The following UTP20 variants were observed in gnomAD, a reference collection of about 807,000 sequenced individuals.
UTP20 encodes UTP20 small subunit processome component.
A neutral mutation model predicts 329.5 loss-of-function variants in UTP20; 164 were observed. That is an observed-to-expected ratio of 0.50 (90% CI 0.44 to 0.57). UTP20 has a LOEUF of 0.57. Ranked by LOEUF, UTP20 falls within the 20% of genes least tolerant of loss-of-function variation. UTP20 has a pLI of 0.00. For synonymous variants in UTP20, 1,151 were observed against 1,159.3 expected (o/e 0.99, Z 0.14); for missense variants, 3,055 against 3,284.2 (o/e 0.93, Z 1.71).
At chr12:101,347,017 A>C (rs1255477019) in intron 38 of UTP20, among the ~76,000 whole-genome samples, 2 of 152,164 alleles carry the variant, frequency 1.3e-5, no homozygotes, top group African/African-American at 2.4e-5. Context: ...TTCTCACAAC[A>C]ACTCAACTCT....
At chr12:101,286,535 T>G in intron 5 of UTP20, 26 bp downstream of exon 5, 1 of 1,493,718 alleles carries the variant, frequency 6.7e-7, no homozygotes, top group Non-Finnish European at 9.0e-7. Flanking sequence ...CTCTAGTATG[T>G]TTTTTAATTG....
intron 23 of UTP20, 23 bp downstream of exon 23, chr12:101,319,658 A>T: frequency 6.4e-7 from 1 of 1,556,184 alleles, no homozygotes; most frequent in South Asian, 1.2e-5. Flanking sequence ...AACTCTTGGC[A>T]TTATAATTCT....
rs575753366 is a variant in UTP20, at chr12:101,297,693, C to T, written c.1431-1989C>T. Among the ~76,000 whole-genome samples, 6 of 152,220 alleles carry T rather than the reference C, an allele frequency of 3.9e-5. No individual in the cohort carries two copies. In the South Asian group the frequency reaches 6.2e-4, roughly 16 times the overall value. On this transcript the variant is annotated intron_variant, in intron 12 of 61. Coordinates refer to ENST00000261637, the MANE Select transcript of UTP20 (RefSeq NM_014503.3). ...AACTTTTCCCTTGATTTGTCAACACCCAAGCCCATCTCCAACAGGCAGATT... is the reference window on the plus strand; with the variant it reads ...AACTTTTCCCTTGATTTGTCAACACTCAAGCCCATCTCCAACAGGCAGATT...
intron 21 of UTP20, among the ~76,000 whole-genome samples, chr12:101,314,982 A>G (rs1478255438): frequency 2.0e-5 from 3 of 152,054 alleles, no homozygotes; most frequent in South Asian, 2.1e-4. Context: ...AGTCCCAGCT[A>G]TTTGGGAGGC....
At chr12:101,372,608 CT>C (rs1364857768) in intron 51 of UTP20, among the ~76,000 whole-genome samples, 1 of 152,194 alleles carries the variant, frequency 6.6e-6, no homozygotes, top group Non-Finnish European at 1.5e-5. Context: ...AACCTGTGGG[CT>C]TAGATTTGTA....
chr12:101,350,582 A>G (rs149543053), intron 38 of UTP20, among the ~76,000 whole-genome samples: 24 of 152,250 alleles, frequency 1.6e-4, no homozygotes, highest in African/African-American at 5.1e-4. Flanking sequence ...GAATAGTCTA[A>G]TTCTTTAGAG....
intron 2 of UTP20, among the ~76,000 whole-genome samples, chr12:101,281,637 G>C (rs1458000114): frequency 6.6e-6 from 1 of 152,114 alleles, no homozygotes; most frequent in Non-Finnish European, 1.5e-5. Context: ...AAATAAAGGG[G>C]CTAGACTACA....
chr12:101,331,260 T>A (rs1030437547), intron 27 of UTP20, among the ~76,000 whole-genome samples: 2 of 152,178 alleles, frequency 1.3e-5, no homozygotes, highest in Admixed American at 6.5e-5. Context: ...TTGTACCCAA[T>A]GGGAAGGGTG....
chr12:101,286,365 C>G lies in UTP20; in HGVS notation c.371C>G (p.Pro124Arg). The change falls in exon 5 of 62, where the codon CCA (proline) becomes CGA (arginine). Residue 124 changes from proline (P) to arginine (R), a missense_variant. Physicochemically the swap from Pro to Arg is moderately radical, Grantham distance 103. Around this residue, in one of 3 missense-constraint regions of UTP20, gnomAD observed 2,445 missense variants for 2,575.5 expected, o/e 0.95. Transcript: ENST00000261637. ...LARDLQMDFY[P>R]HFPEFFLTIT... is the part of the protein sequence containing the mutation. ...CGAGATCTGCAGATGGATTTCTACC[C>G]ACACTTTCCAGAGTTTTTTTTGACT... The G allele has an allele frequency of 6.2e-7, 1 of 1,613,552 alleles. No individual in the cohort carries two copies.
rs776670472 is a variant in UTP20, at chr12:101,385,978, A to C, written c.8213A>C (p.Asn2738Thr). 4 of 1,584,542 alleles carry C rather than the reference A, an allele frequency of 2.5e-6. No homozygotes were observed. The highest frequency in any genetic ancestry group is 3.4e-6 in the Non-Finnish European group (4 of 1,163,832). Residue 2738 changes from asparagine (N) to threonine (T), a missense_variant, in exon 62 of 62, where the codon AAT (asparagine) becomes ACT (threonine). Physicochemically the swap from Asn to Thr is moderately conservative, Grantham distance 65. This residue lies in a region of UTP20 where 337 missense variants were observed against 345.5 expected (regional missense o/e 0.98). Coordinates refer to ENST00000261637, the MANE Select transcript of UTP20 (RefSeq NM_014503.3). ...KKRKALEFVT[N>T]PDIAAKKKMK... ...TATTCTCTTTTCCAGTTTGTAACTAATCCTGATATTGCTGCCAAGAAAAAA... is the reference window on the plus strand; with the variant it reads ...TATTCTCTTTTCCAGTTTGTAACTACTCCTGATATTGCTGCCAAGAAAAAA...
At chr12:101,305,575 ATAT>A (rs1441206750) in intron 15 of UTP20, among the ~76,000 whole-genome samples, 4 of 147,128 alleles carry the variant, frequency 2.7e-5, no homozygotes, top group Non-Finnish European at 4.5e-5. Context: ...TTAATATTTA[ATAT>A]TATTTAATAA....
chr12:101,379,969 G>A (rs745420982), intron 57 of UTP20, among the ~76,000 whole-genome samples: 8 of 151,922 alleles, frequency 5.3e-5, no homozygotes, highest in Non-Finnish European at 1.2e-4. Flanking sequence ...ACAGGCACAC[G>A]CCACCACACC....
intron 22 of UTP20, among the ~76,000 whole-genome samples, chr12:101,318,073 T>G (rs1873032167): frequency 6.6e-6 from 1 of 152,210 alleles, no homozygotes; most frequent in Non-Finnish European, 1.5e-5. Flanking sequence ...CAATTTTTTT[T>G]TCCTTCCACC....
intron 46 of UTP20, among the ~76,000 whole-genome samples, chr12:101,366,028 C>G (rs1870085943): frequency 3.9e-5 from 6 of 152,070 alleles, no homozygotes; most frequent in Admixed American, 3.9e-4. Context: ...GTCAGGAGTT[C>G]AAGACCAGCC....
chr12:101,353,200 G>T (rs897991806), intron 40 of UTP20, 71 bp downstream of exon 40: 6 of 1,081,896 alleles, frequency 5.5e-6, no homozygotes, highest in Non-Finnish European at 8.2e-6. Context: ...ATTAATTAAA[G>T]ATGGTGACAT....
chr12:101,370,053 A>T (rs1229934761), intron 49 of UTP20, among the ~76,000 whole-genome samples, 162 bp downstream of exon 49: 7 of 93,754 alleles, frequency 7.5e-5, no homozygotes, highest in South Asian at 3.5e-4. Flanking sequence ...GTGTCTACAT[A>T]AAAAAAAAAA....
chr12:101,296,476 CAGG>C (rs1872354625), intron 12 of UTP20, among the ~76,000 whole-genome samples: 1 of 151,162 alleles, frequency 6.6e-6, no homozygotes, highest in African/African-American at 2.4e-5. Flanking sequence ...GAGGCTGAGG[CAGG>C]AGAATGGCGT....
chr12:101,303,714 G>A (rs1054676009), intron 15 of UTP20, among the ~76,000 whole-genome samples: 1 of 152,084 alleles, frequency 6.6e-6, no homozygotes, highest in East Asian at 1.9e-4. Context: ...TGAAAGGGGA[G>A]GCCATGGGAG....
intron 12 of UTP20, among the ~76,000 whole-genome samples, chr12:101,297,094 C>T (rs917175298): frequency 3.9e-5 from 6 of 152,130 alleles, no homozygotes; most frequent in African/African-American, 9.7e-5. Flanking sequence ...GCTGAATACT[C>T]GACTTTGAAA....
Sources: gnomAD v4.1 joint callset for allele counts (sites outside exome capture counted in the v4.1 genomes callset) on GRCh38, gnomAD v4.1.1 for gene constraint, gnomAD v4.1.1 regional missense constraint, MANE v1.5 for transcripts, NCBI Gene and HGNC (gene_info 2026-07-23, HGNC 2026-07-21) for gene names.